Variants in SH3GL2 observed in about 807,000 individuals in gnomAD.
SH3GL2 encodes SH3 domain containing GRB2 like 2, endophilin A1.
In SH3GL2, 24 loss-of-function variants were observed where a neutral mutation model predicts 46.0. That is an observed-to-expected ratio of 0.52 (90% CI 0.38 to 0.73). The LOEUF (loss-of-function observed/expected upper bound fraction) is 0.73, where lower values mean the gene tolerates loss of function less well. Ranked by LOEUF, SH3GL2 falls within the 30% of genes least tolerant of loss-of-function variation. The pLI is 0.00. For synonymous variants in SH3GL2, 196 were observed against 147.1 expected, an observed-to-expected ratio of 1.33 and a Z score of -2.40; for missense variants, 413 against 424.2, an observed-to-expected ratio of 0.97 and a Z score of 0.23.
At chr9:17,769,625 C>T (rs1823414731) in intron 3 of SH3GL2, among the ~76,000 whole-genome samples, 1 of 152,124 alleles carries the variant, frequency 6.6e-6, no homozygotes, top group African/African-American at 2.4e-5. Context: ...CAGATGCCGT[C>T]TCCCTGTACA....
chr9:17,641,303 C>T (rs1301605856), intron 1 of SH3GL2, among the ~76,000 whole-genome samples: 2 of 152,072 alleles, frequency 1.3e-5, no homozygotes, highest in East Asian at 3.8e-4. Context: ...ATGGTAGCAG[C>T]TCAAGGGACA....
intron 4 of SH3GL2, among the ~76,000 whole-genome samples, chr9:17,786,775 C>A (rs575296275): frequency 6.6e-6 from 1 of 152,054 alleles, no homozygotes; most frequent in South Asian, 2.1e-4. Context: ...GTTGACATAT[C>A]CAGATGCCTC....
intron 1 of SH3GL2, among the ~76,000 whole-genome samples, chr9:17,743,484 G>A (rs1195047841): frequency 6.6e-6 from 1 of 151,688 alleles, no homozygotes; most frequent in African/African-American, 2.4e-5. Flanking sequence ...ATAGAGAAGA[G>A]GAAAGCTCTC....
chr9:17,737,013 T>C (rs1416226850), intron 1 of SH3GL2, among the ~76,000 whole-genome samples: 1 of 152,090 alleles, frequency 6.6e-6, no homozygotes. Context: ...CATGGAATAC[T>C]ATGCAGCCAT....
At position 17,686,425 on chromosome 9, in the gene SH3GL2, C is replaced by A. The variant is rs1402352242; in HGVS notation, c.46-60641C>A. On this transcript the variant is annotated intron_variant, in intron 1 of 8. Coordinates refer to ENST00000380607, the MANE Select transcript of SH3GL2 (RefSeq NM_003026.5). ...AACTAGAAATACCATTTGACCCAGC[C>A]ATCCCATTACTGGGTATATACCCAA... 9.0e-4 allele frequency among the ~76,000 whole-genome samples: 123 copies of A among 137,090 alleles called. 1 individual carries two copies. Among genetic ancestry groups the A allele is most frequent in the African/African-American group, 2.8e-3 (102 of 36,068 alleles). 89.9% of individuals were successfully genotyped at this position (137,090 alleles called of 152,430 possible). A position where few individuals can be genotyped will look rare whatever the true frequency, so the allele number is the denominator to read the frequency against.
At chr9:17,718,068 A>G (rs748957497) in intron 1 of SH3GL2, among the ~76,000 whole-genome samples, 1 of 152,136 alleles carries the variant, frequency 6.6e-6, no homozygotes, top group African/African-American at 2.4e-5. Context: ...ATGAATTCAA[A>G]TCTTGTAAGC....
chr9:17,630,665 G>C (rs1819400234), intron 1 of SH3GL2, among the ~76,000 whole-genome samples: 1 of 152,210 alleles, frequency 6.6e-6, no homozygotes, highest in African/African-American at 2.4e-5. Context: ...CCAGAGACTA[G>C]GGCAGGCCAA....
intron 1 of SH3GL2, among the ~76,000 whole-genome samples, chr9:17,707,513 T>TACTGTGCTGTACTAACTTTGTGCTATGCA (rs1295544224): frequency 2.6e-5 from 4 of 152,188 alleles, no homozygotes; most frequent in South Asian, 4.1e-4. Flanking sequence ...ACCTGTATTT[T>TACTGTGCTGTACTAACTTTGTGCTATGCA]ACTGTGCTGT....
rs563333584 is a variant in SH3GL2 at position 17,682,086 on chromosome 9, A to G, written c.46-64980A>G. 3.4e-4 allele frequency among the ~76,000 whole-genome samples: 52 copies of G among 152,280 alleles called. 1 individual carries two copies. The highest frequency in any genetic ancestry group is 3.4e-3 in the Middle Eastern group (1 of 294). ...ACAATAGATGTGAGCCTGTGGAGAAATGGGAACACTTTCACACTGTTGGTG... is the reference window on the plus strand; with the variant it reads ...ACAATAGATGTGAGCCTGTGGAGAAGTGGGAACACTTTCACACTGTTGGTG... On this transcript the variant is annotated intron_variant, in intron 1 of 8. Transcript: ENST00000380607.
At chr9:17,772,809 A>G (rs1296456944) in intron 3 of SH3GL2, among the ~76,000 whole-genome samples, 2 of 152,210 alleles carry the variant, frequency 1.3e-5, no homozygotes, top group Non-Finnish European at 2.9e-5. Context: ...GACCATGAGT[A>G]TACAAATATC....
rs1823983381 is a variant in SH3GL2 at position 17,787,189 on chromosome 9, G to T, written c.332-191G>T. Among the ~76,000 whole-genome samples the T allele has an allele frequency of 2.0e-5, 3 of 152,178 alleles. No homozygotes were observed. The South Asian group carries it at 6.2e-4, about 32-fold the overall frequency. On this transcript the variant is annotated intron_variant, in intron 4 of 8. Transcript: ENST00000380607. ...AAAAAGTAACTGTTCCATTCTTGATGAGAGGTATTTACCCTCTTAGGGGGC... is the reference window on the plus strand; with the variant it reads ...AAAAAGTAACTGTTCCATTCTTGATTAGAGGTATTTACCCTCTTAGGGGGC...
chr9:17,766,815 G>A (rs1351809683), intron 3 of SH3GL2, among the ~76,000 whole-genome samples: 1 of 151,938 alleles, frequency 6.6e-6, no homozygotes, highest in African/African-American at 2.4e-5. Flanking sequence ...TAGATAGTTT[G>A]CCTTTCTGTT....
At chr9:17,770,916 C>T (rs966368257) in intron 3 of SH3GL2, among the ~76,000 whole-genome samples, 1 of 152,170 alleles carries the variant, frequency 6.6e-6, no homozygotes, top group African/African-American at 2.4e-5. Context: ...CTCTGGCCTC[C>T]ACATGGCAAA....
intron 1 of SH3GL2, among the ~76,000 whole-genome samples, chr9:17,668,913 A>G (rs1820406528): frequency 6.6e-6 from 1 of 152,176 alleles, no homozygotes; most frequent in African/African-American, 2.4e-5. Flanking sequence ...CTGCCTTGGC[A>G]TCCGAGAGGG....
At chr9:17,603,650 CAG>C (rs1818710009) in intron 1 of SH3GL2, among the ~76,000 whole-genome samples, 1 of 152,114 alleles carries the variant, frequency 6.6e-6, no homozygotes, top group South Asian at 2.1e-4. Flanking sequence ...CACCTGAGGT[CAG>C]GGGTTCGAGA....
intron 1 of SH3GL2, among the ~76,000 whole-genome samples, chr9:17,706,395 A>G (rs533196777): frequency 2.6e-5 from 4 of 152,082 alleles, no homozygotes; most frequent in Non-Finnish European, 5.9e-5. Context: ...ATTGCCTGTG[A>G]TGCTAGCACC....
intron 1 of SH3GL2, among the ~76,000 whole-genome samples, chr9:17,694,779 G>T (rs537057366): frequency 6.6e-6 from 1 of 152,154 alleles, no homozygotes; most frequent in Admixed American, 6.6e-5. Flanking sequence ...TTGCTCTGGA[G>T]AATTTAAATA....
intron 1 of SH3GL2, among the ~76,000 whole-genome samples, chr9:17,690,976 C>T (rs530244871): frequency 2.6e-5 from 4 of 152,162 alleles, no homozygotes; most frequent in East Asian, 1.9e-4. Flanking sequence ...ACCTTACTAC[C>T]GAAGTGTGGC....
At chr9:17,649,003 G>A (rs1159902952) in intron 1 of SH3GL2, among the ~76,000 whole-genome samples, 2 of 152,162 alleles carry the variant, frequency 1.3e-5, no homozygotes, top group Non-Finnish European at 2.9e-5. Context: ...GTATGATGTT[G>A]TGTGTGAGTG....
Sources: gnomAD v4.1 joint callset for allele counts (sites outside exome capture counted in the v4.1 genomes callset) on GRCh38, gnomAD v4.1.1 for gene constraint, MANE v1.5 for transcripts, NCBI Gene and HGNC (gene_info 2026-07-23, HGNC 2026-07-21) for gene names.